The following TNFSF4 variants were observed in gnomAD, a reference collection of about 807,000 sequenced individuals.
TNFSF4 encodes TNF superfamily member 4.
Under a neutral mutation model 7.3 loss-of-function variants are expected in TNFSF4, and 4 were observed. The observed-to-expected ratio is 0.55, with a 90% CI of 0.27 to 1.25. The LOEUF (loss-of-function observed/expected upper bound fraction) is 1.25, where lower values mean the gene tolerates loss of function less well. Ranked by LOEUF, TNFSF4 falls within the 50% of genes most tolerant of loss-of-function variation. The probability of loss-of-function intolerance (pLI) is 0.12; values close to 1 mark genes in which losing one functional copy is unlikely to be tolerated. For missense variants in TNFSF4, 181 were observed against 208.8 expected (o/e 0.87, Z 0.82); for synonymous variants, 76 against 83.7 (o/e 0.91, Z 0.50).
chr1:173,205,299 G>A, intron 1 of TNFSF4: 2 of 1,612,042 alleles, frequency 1.2e-6, no homozygotes, highest in Non-Finnish European at 1.7e-6. Context: ...TTCTCCCCTA[G>A]AGATCACTCA....
the TNFSF4 span, among the ~76,000 whole-genome samples, chr1:173,233,210 A>C: frequency 4.3e-3 from 651 of 152,346 alleles, 4 homozygotes; most frequent in Non-Finnish European, 5.8e-3. Flanking sequence ...GATTCGATCA[A>C]CTGGAAGAAA....
At chr1:173,308,975 C>G in the TNFSF4 span, among the ~76,000 whole-genome samples, 1 of 151,900 alleles carries the variant, frequency 6.6e-6, no homozygotes, top group African/African-American at 2.4e-5. Flanking sequence ...AGGCAATTGC[C>G]AAGGTCCACT....
At chr1:173,362,129 GT>G in the TNFSF4 span, among the ~76,000 whole-genome samples, 1 of 152,106 alleles carries the variant, frequency 6.6e-6, no homozygotes, top group Non-Finnish European at 1.5e-5. Context: ...TAAATTACTA[GT>G]TTTTTCTTAT....
downstream of TNFSF4, among the ~76,000 whole-genome samples, chr1:173,180,172 C>T (rs1462102047): frequency 1.3e-5 from 2 of 152,124 alleles, no homozygotes; most frequent in Non-Finnish European, 2.9e-5. Flanking sequence ...TCTTTACCAC[C>T]CATATGTACC....
At chr1:173,195,924 GACGTGAACCTCTCCTCCCC>G (rs1332761654) in intron 1 of TNFSF4, among the ~76,000 whole-genome samples, 1 of 152,170 alleles carries the variant, frequency 6.6e-6, no homozygotes, top group Non-Finnish European at 1.5e-5. Context: ...ACTGCCACTG[GACGTGAACCTCTCCTCCCC>G]GCACCTTGGG....
At chr1:173,446,470 T>A in the TNFSF4 span, among the ~76,000 whole-genome samples, 1 of 152,160 alleles carries the variant, frequency 6.6e-6, no homozygotes, top group African/African-American at 2.4e-5. Context: ...ATAAATAAAC[T>A]GTGTGTAATG....
the TNFSF4 span, among the ~76,000 whole-genome samples, chr1:173,269,829 G>A: frequency 2.0e-5 from 3 of 152,146 alleles, no homozygotes; most frequent in African/African-American, 7.2e-5. Context: ...CTGTTTTGGG[G>A]TTCAGTAAAG....
chr1:173,175,347 A>G, the TNFSF4 span: 2 of 152,352 alleles, frequency 1.3e-5, no homozygotes, highest in Admixed American at 6.5e-5. Context: ...GATTCCCCAG[A>G]ACACCTAACA....
At chr1:173,398,895 T>C in the TNFSF4 span, among the ~76,000 whole-genome samples, 1 of 152,202 alleles carries the variant, frequency 6.6e-6, no homozygotes, top group Non-Finnish European at 1.5e-5. Context: ...TTTTGGTGTG[T>C]TGCTCCAGAC....
the TNFSF4 span, among the ~76,000 whole-genome samples, chr1:173,242,406 G>C: frequency 1.3e-5 from 2 of 152,132 alleles, no homozygotes; most frequent in African/African-American, 4.8e-5. Flanking sequence ...TTGACAATTA[G>C]TTTTATAGGA....
the TNFSF4 span, among the ~76,000 whole-genome samples, chr1:173,396,522 T>A: frequency 1.3e-5 from 2 of 152,012 alleles, no homozygotes; most frequent in African/African-American, 4.8e-5. Context: ...TACAAAAAAA[T>A]ACGGTTTGGG....
At chr1:173,341,783 C>T in the TNFSF4 span, among the ~76,000 whole-genome samples, 2 of 152,128 alleles carry the variant, frequency 1.3e-5, no homozygotes, top group Non-Finnish European at 2.9e-5. Flanking sequence ...TTGGTATGCG[C>T]TCTGATTTTT....
the TNFSF4 span, among the ~76,000 whole-genome samples, chr1:173,323,080 GCT>G: frequency 6.6e-6 from 1 of 152,328 alleles, no homozygotes; most frequent in East Asian, 1.9e-4. Context: ...GAATGGGCAG[GCT>G]GCCTCCTCAA....
At chr1:173,287,607 C>A in the TNFSF4 span, among the ~76,000 whole-genome samples, 1 of 152,054 alleles carries the variant, frequency 6.6e-6, no homozygotes, top group South Asian at 2.1e-4. Context: ...TGGTCTCCAT[C>A]GAAGATATGT....
At chr1:173,316,858 T>C in the TNFSF4 span, among the ~76,000 whole-genome samples, 1 of 152,174 alleles carries the variant, frequency 6.6e-6, no homozygotes, top group South Asian at 2.1e-4. Flanking sequence ...ATCATGGAGA[T>C]TTTCTCCCAT....
the TNFSF4 span, among the ~76,000 whole-genome samples, chr1:173,255,708 T>G: frequency 2.0e-5 from 3 of 152,226 alleles, no homozygotes; most frequent in Admixed American, 2.0e-4. Context: ...CCACTGAAAC[T>G]TTTTAGAGTT....
the TNFSF4 span, among the ~76,000 whole-genome samples, chr1:173,314,703 A>T: frequency 6.6e-6 from 1 of 152,158 alleles, no homozygotes; most frequent in East Asian, 1.9e-4. Context: ...ATTTCAGCTA[A>T]ATTACTGAAT....
At chr1:173,355,842 C>T in the TNFSF4 span, among the ~76,000 whole-genome samples, 1 of 152,224 alleles carries the variant, frequency 6.6e-6, no homozygotes, top group Non-Finnish European at 1.5e-5. Flanking sequence ...AGCCACAGTT[C>T]CCATACTCAA....
the TNFSF4 span, among the ~76,000 whole-genome samples, chr1:173,301,633 C>T: frequency 1.3e-5 from 2 of 151,748 alleles, no homozygotes; most frequent in Admixed American, 1.3e-4. Flanking sequence ...CATAGGTCAT[C>T]TCCTCCCAAA....
Sources: gnomAD v4.1 joint callset for allele counts (sites outside exome capture counted in the v4.1 genomes callset) on GRCh38, gnomAD v4.1.1 for gene constraint, MANE v1.5 for transcripts, NCBI Gene and HGNC (gene_info 2026-07-23, HGNC 2026-07-21) for gene names.